The following DSG1 variants were observed in gnomAD, a reference collection of about 807,000 sequenced individuals.
DSG1 encodes desmoglein-1.
A neutral mutation model predicts 97.5 loss-of-function variants in DSG1; 39 were observed. The observed-to-expected ratio is 0.40, with a 90% CI of 0.31 to 0.52. The LOEUF (loss-of-function observed/expected upper bound fraction) is 0.52. Ranked by LOEUF, DSG1 falls within the 20% of genes least tolerant of loss-of-function variation. The pLI is 0.53. For missense variants in DSG1, 1,311 were observed against 1,295.4 expected (o/e 1.01, Z -0.18); for synonymous variants, 475 against 443.4 (o/e 1.07, Z -0.90).
At chr18:31,324,390 T>C (rs2071673424) in intron 1 of DSG1, among the ~76,000 whole-genome samples, 1 of 152,106 alleles carries the variant, frequency 6.6e-6, no homozygotes, top group Non-Finnish European at 1.5e-5. Flanking sequence ...TTCTTGACTG[T>C]ATCCTCTACT....
intron 3 of DSG1, 90 bp from the exon 4 acceptor site, chr18:31,328,099 A>G (rs748602947): frequency 1.6e-5 from 22 of 1,374,700 alleles, no homozygotes; most frequent in Non-Finnish European, 2.2e-5. Flanking sequence ...CAAGGTCATC[A>G]CATGCAACAA....
intron 11 of DSG1, 150 bp downstream of exon 11, chr18:31,340,175 A>T (rs2071780211): frequency 1.1e-6 from 1 of 876,378 alleles, no homozygotes; most frequent in Non-Finnish European, 1.7e-6. Flanking sequence ...TGGGTTTATA[A>T]GATGAAAAAA....
chr18:31,330,729 G>A lies in DSG1; in HGVS notation c.517+693G>A, dbSNP rs535416355. Among the ~76,000 whole-genome samples the A allele has an allele frequency of 5.3e-5, 8 of 152,060 alleles. No individual in the cohort carries two copies. In the South Asian group the frequency reaches 8.3e-4, roughly 16 times the overall value. Reference sequence around the variant, plus strand: ...AATCACATGTTTTTTAACATAAATGGTATCATCTGTTACATGCTAATCCAC... The same window carrying A: ...AATCACATGTTTTTTAACATAAATGATATCATCTGTTACATGCTAATCCAC... On this transcript the variant is annotated intron_variant, in intron 5 of 14. Coordinates refer to ENST00000257192, the MANE Select transcript of DSG1 (RefSeq NM_001942.4).
intron 13 of DSG1, 88 bp from the exon 14 acceptor site, chr18:31,345,902 G>A (rs1294404374): frequency 1.5e-5 from 15 of 1,021,018 alleles, no homozygotes; most frequent in Non-Finnish European, 2.2e-5. Flanking sequence ...ATACCTAAAT[G>A]AAAAAATCAC....
At position 31,338,337 on chromosome 18, in the gene DSG1, G is replaced by C. The variant is rs1242140746; in HGVS notation, c.1288G>C (p.Ala430Pro). The C allele has an allele frequency of 3.7e-6, 6 of 1,613,734 alleles. No homozygotes were observed. The East Asian group carries it at 1.1e-4, about 30-fold the overall frequency. ...CAGGTATGTAATGGGAAATAATCCA[G>C]CTGACCTGCTAGCTGTTGATTCAAG... The part of the protein sequence containing the change: ...TVRYVMGNNP[A>P]DLLAVDSRTG... The change falls in exon 10 of 15, where the codon GCT becomes CCT. Residue 430 changes from alanine to proline, a missense_variant. By Grantham distance (27) the Ala-to-Pro change is conservative. Coordinates refer to ENST00000257192, the MANE Select transcript of DSG1 (RefSeq NM_001942.4).
intron 5 of DSG1, among the ~76,000 whole-genome samples, chr18:31,330,697 A>G (rs939602651): frequency 6.6e-6 from 1 of 152,130 alleles, no homozygotes; most frequent in Non-Finnish European, 1.5e-5. Flanking sequence ...ATAATTATGT[A>G]AACATAAATC....
At chr18:31,354,194 C>G (rs1405768356) in intron 14 of DSG1, 103 bp from the exon 15 acceptor site, 2 of 968,988 alleles carry the variant, frequency 2.1e-6, no homozygotes, top group East Asian at 4.9e-5. Flanking sequence ...TTATTTCATT[C>G]CTCTTTGGAA....
chr18:31,340,033 C>T lies in DSG1; in HGVS notation c.1687+8C>T. On this transcript the variant is annotated splice_region_variant and intron_variant, in intron 11 of 14. Transcript: ENST00000257192. ...GATTCTTGGTCTTAGGATGTAAGTA[C>T]TTTAGCAATCCTATGTATATGTGTC... 1.9e-6 allele frequency: 3 copies of T among 1,613,774 alleles called. No homozygotes were observed. The highest frequency in any genetic ancestry group is 2.5e-6 in the Non-Finnish European group (3 of 1,179,826).
rs760340996 is a variant in DSG1, at chr18:31,343,470, T to G, written c.1708T>G (p.Cys570Gly). The G allele has an allele frequency of 6.2e-7, 1 of 1,614,190 alleles. No homozygotes were observed. Among genetic ancestry groups the G allele is most frequent in the South Asian group, 1.1e-5 (1 of 91,090 alleles). The change falls in exon 12 of 15, where the codon TGT becomes GGT. Residue 570 changes from cysteine (C) to glycine (G), a missense_variant. Around this residue, in one of 3 missense-constraint regions of DSG1, gnomAD observed 1,038 missense variants for 964.6 expected, o/e 1.08. Transcript: ENST00000257192. ...VLGLVPFLMI[C>G]CDCGGAPRSA... ...ACCAGTGGTCCCATTTTTGATGATC[T>G]GTTGTGATTGTGGAGGTGCTCCTCG...
At chr18:31,348,431 G>A (rs1372494763) in intron 14 of DSG1, among the ~76,000 whole-genome samples, 28 of 151,824 alleles carry the variant, frequency 1.8e-4, no homozygotes, top group African/African-American at 4.9e-4. Context: ...ATAAACATAC[G>A]TGTGCATGTG....
intron 14 of DSG1, among the ~76,000 whole-genome samples, chr18:31,352,311 G>C (rs1458471772): frequency 6.6e-6 from 1 of 151,260 alleles, no homozygotes; most frequent in Non-Finnish European, 1.5e-5. Flanking sequence ...ACTCTCTTCT[G>C]GCTTGTAGGG....
chr18:31,342,798 T>C (rs2071798103), intron 11 of DSG1, among the ~76,000 whole-genome samples: 1 of 152,118 alleles, frequency 6.6e-6, no homozygotes, highest in South Asian at 2.1e-4. Flanking sequence ...ATCAAATATA[T>C]TGCCTGACCT....
rs931120979 is a variant in DSG1 at position 31,355,856 on chromosome 18, A to G, written c.*510A>G. Reference sequence around the variant, plus strand: ...TTTTTTAAGTTTGACTACATAGTCAAGTCCACAAGCCATCAAGCACTCCTA... The same window carrying G: ...TTTTTTAAGTTTGACTACATAGTCAGGTCCACAAGCCATCAAGCACTCCTA... On this transcript the variant is annotated 3_prime_UTR_variant, in exon 15 of 15. Transcript: ENST00000257192. 6.3e-6 allele frequency: 1 copy of G among 159,696 alleles called. No individual in the cohort carries two copies. The highest frequency in any genetic ancestry group is 1.4e-5 in the Non-Finnish European group (1 of 72,366). The allele number at this position is 159,696 out of a possible 1,614,324, so 9.9% of individuals were successfully genotyped here.
Position 31,355,689 on chromosome 18 carries a change from G to C in DSG1, c.*343G>C, listed in dbSNP as rs979206370. Reference sequence around the variant, plus strand: ...TCTGTTTTGCTTTTCCATATAGCTCGAGCAAAATTCAAAAAGAACTAAATA... The same window carrying C: ...TCTGTTTTGCTTTTCCATATAGCTCCAGCAAAATTCAAAAAGAACTAAATA... On this transcript the variant is annotated 3_prime_UTR_variant, in exon 15 of 15. Transcript: ENST00000257192. 1 of 288,140 alleles carries C rather than the reference G, an allele frequency of 3.5e-6. No homozygotes were observed. The highest frequency in any genetic ancestry group is 2.1e-5 in the African/African-American group (1 of 46,646). 17.8% of individuals were successfully genotyped at this position (288,140 alleles called of 1,614,324 possible).
chr18:31,331,448 G>A (rs771834774), intron 5 of DSG1, among the ~76,000 whole-genome samples: 6 of 151,982 alleles, frequency 3.9e-5, no homozygotes, highest in East Asian at 1.9e-4. Flanking sequence ...GAAATAGAAA[G>A]CCAGAATAAC....
At chr18:31,321,823 T>C (rs192890995) in intron 1 of DSG1, among the ~76,000 whole-genome samples, 1 of 152,172 alleles carries the variant, frequency 6.6e-6, no homozygotes, top group Non-Finnish European at 1.5e-5. Flanking sequence ...GGTAACTCTT[T>C]CTCCACAACA....
In DSG1 at chr18:31,318,237, GA is replaced by G; in HGVS notation, c.-59del. Reference sequence around the variant, plus strand: ...TCAGACACCAGCTGAGTGGGAGAAAGAAAAAGAACAGAGAAGAACAAACAAA... The same window carrying G: ...TCAGACACCAGCTGAGTGGGAGAAAGAAAAGAACAGAGAAGAACAAACAAA... On this transcript the variant is annotated 5_prime_UTR_variant, in exon 1 of 15. Transcript: ENST00000257192. 7.1e-7 allele frequency: 1 copy of G among 1,414,658 alleles called. No individual in the cohort carries two copies. The highest frequency in any genetic ancestry group is 1.0e-6 in the Non-Finnish European group (1 of 998,066). 87.6% of individuals were successfully genotyped at this position (1,414,658 alleles called of 1,614,324 possible).
chr18:31,352,651 T>G (rs1228388334), intron 14 of DSG1, among the ~76,000 whole-genome samples: 1 of 148,746 alleles, frequency 6.7e-6, no homozygotes, highest in Non-Finnish European at 1.5e-5. Context: ...CCATATTTCT[T>G]GGAGGCTTTG....
chr18:31,332,306 AACCTAGCAT>A (rs1877031990), intron 6 of DSG1, among the ~76,000 whole-genome samples: 1 of 152,098 alleles, frequency 6.6e-6, no homozygotes, highest in Non-Finnish European at 1.5e-5. Context: ...CTCTTTCTTT[AACCTAGCAT>A]ATCTAAGCTC....
Sources: allele counts gnomAD v4.1 joint callset (sites outside exome capture counted in the v4.1 genomes callset), GRCh38; gene constraint gnomAD v4.1.1; regional missense constraint gnomAD v4.1.1; transcripts MANE v1.5; gene names NCBI Gene and HGNC (gene_info 2026-07-23, HGNC 2026-07-21).